PERP: variants seen among roughly 807,000 people sequenced by gnomAD.
PERP encodes the protein p53 apoptosis effector related to PMP22.
Under a neutral mutation model 20.3 loss-of-function variants are expected in PERP, and 11 were observed. The observed-to-expected ratio is 0.54, with a 90% CI of 0.34 to 0.90. The LOEUF (loss-of-function observed/expected upper bound fraction) is 0.90. PERP is among the 40% of genes least tolerant of loss of function. PERP has a pLI of 0.02. For missense variants in PERP, 224 were observed against 249.4 expected (o/e 0.90, Z 0.69); for synonymous variants, 101 against 102.0 (o/e 0.99, Z 0.06).
At chr6:138,096,038 G>A (rs1194713495) in intron 2 of PERP, among the ~76,000 whole-genome samples, 1 of 152,180 alleles carries the variant, frequency 6.6e-6, no homozygotes, top group African/African-American at 2.4e-5. Context: ...GGAGAGCACT[G>A]CTTTTCCAGG....
intron 1 of PERP, among the ~76,000 whole-genome samples, chr6:138,099,918 A>G (rs1283630016): frequency 6.6e-6 from 1 of 152,250 alleles, no homozygotes; most frequent in Admixed American, 6.5e-5. Context: ...AGTCTAAAGA[A>G]AATCAAAATG....
chr6:138,105,126 G>A (rs2114346347), intron 1 of PERP, among the ~76,000 whole-genome samples: 1 of 152,330 alleles, frequency 6.6e-6, no homozygotes, highest in South Asian at 2.1e-4. Flanking sequence ...CAGATCTTGA[G>A]CAAGAGCCGT....
chr6:138,093,161 T>C (rs1205394373), intron 2 of PERP, among the ~76,000 whole-genome samples: 1 of 152,218 alleles, frequency 6.6e-6, no homozygotes, highest in Non-Finnish European at 1.5e-5. Context: ...TATACATGTG[T>C]GTTCTGCATC....
At chr6:138,103,023 C>T (rs1775796451) in intron 1 of PERP, among the ~76,000 whole-genome samples, 1 of 150,874 alleles carries the variant, frequency 6.6e-6, no homozygotes, top group African/African-American at 2.4e-5. Flanking sequence ...GGTGTGAACC[C>T]GGGAGGCGGA....
chr6:138,107,100 GCGA>G lies in PERP; in HGVS notation c.214+24_214+26del, dbSNP rs758166725. The G allele has an allele frequency of 1.3e-6, 2 of 1,574,982 alleles. No homozygotes were observed. The highest frequency in any genetic ancestry group is 2.7e-5 in the African/African-American group (2 of 73,462). ...CGGCCCCGAGGGCTTCCTGGAGGCG[GCGA>G]CGGCGGCGGCGGCGGGCACTCACCG... On this transcript the variant is annotated intron_variant, in intron 1 of 2. Transcript: ENST00000421351. This position sits in a 1 kb window ranked among gnomAD's most constrained non-coding sequence, Gnocchi z 4.8.
chr6:138,103,077 C>T (rs919675244), intron 1 of PERP, among the ~76,000 whole-genome samples: 10 of 145,806 alleles, frequency 6.9e-5, no homozygotes, highest in African/African-American at 1.0e-4. Context: ...CCAGCCTGCG[C>T]GACAGACCGA....
At chr6:138,093,635 T>G (rs1775624471) in intron 2 of PERP, among the ~76,000 whole-genome samples, 1 of 152,186 alleles carries the variant, frequency 6.6e-6, no homozygotes. Flanking sequence ...ATTTTCTTAG[T>G]AATAAATATT....
At position 138,106,903 on chromosome 6, in the gene PERP, C is replaced by CTTTTTTTTT. The variant is rs577977770; in HGVS notation, c.214+215_214+223dup. 7.1e-3 allele frequency among the ~76,000 whole-genome samples: 958 copies of CTTTTTTTTT among 134,394 alleles called. 34 individuals carry two copies. Among genetic ancestry groups the CTTTTTTTTT allele is most frequent in the African/African-American group, 0.024 (857 of 35,886 alleles). 88.2% of individuals were successfully genotyped at this position (134,394 alleles called of 152,430 possible). ...AAAACTATACAGTTTGAACTACGGC[C>CTTTTTTTTT]TTTTTTTTTTTTCTGTTTCTGAGCT... On this transcript the variant is annotated intron_variant, in intron 1 of 2. Transcript: ENST00000421351.
chr6:138,102,826 G>C (rs1173874119), intron 1 of PERP, among the ~76,000 whole-genome samples: 1 of 152,050 alleles, frequency 6.6e-6, no homozygotes, highest in East Asian at 1.9e-4. Context: ...GCGGCCAGGC[G>C]CGGTGGCTCA....
chr6:138,092,813 T>C (rs1296415842), intron 2 of PERP, among the ~76,000 whole-genome samples: 3 of 151,966 alleles, frequency 2.0e-5, no homozygotes, highest in African/African-American at 7.3e-5. Flanking sequence ...ATATTGAGAA[T>C]GATCAAGGGG....
chr6:138,096,299 C>G, intron 2 of PERP, 55 bp downstream of exon 2: 1 of 1,595,788 alleles, frequency 6.3e-7, no homozygotes, highest in Non-Finnish European at 8.6e-7. Flanking sequence ...TTGACCATTA[C>G]TAAGTCGATG....
intron 1 of PERP, 101 bp from the exon 2 acceptor site, chr6:138,096,595 A>G (rs1454123620): frequency 4.5e-6 from 6 of 1,326,156 alleles, no homozygotes; most frequent in Non-Finnish European, 5.1e-6. Context: ...TTTCCCTACT[A>G]GTTACATTTG....
chr6:138,095,074 G>A (rs1022851538), intron 2 of PERP, among the ~76,000 whole-genome samples: 4 of 152,166 alleles, frequency 2.6e-5, no homozygotes, highest in Non-Finnish European at 4.4e-5. Context: ...AGTTTTCTAC[G>A]ACACATGAAA....
At chr6:138,100,273 G>C (rs1775752216) in intron 1 of PERP, among the ~76,000 whole-genome samples, 1 of 152,170 alleles carries the variant, frequency 6.6e-6, no homozygotes, top group Non-Finnish European at 1.5e-5. Flanking sequence ...GCCCTAGGTA[G>C]CTGTGGTCTC....
rs756486723 is a variant in PERP at position 138,096,404 on chromosome 6, G to A, written c.305C>T (p.Pro102Leu). The change falls in exon 2 of 3, where the codon CCC becomes CTC. Residue 102 changes from proline to leucine, a missense_variant. By Grantham distance (98) the Pro-to-Leu change is moderately conservative (BLOSUM62 -3). Coordinates refer to ENST00000421351, the MANE Select transcript of PERP (RefSeq NM_022121.5). ...CACTCTCAGGAAGACAAGCATCTGGGGTCCACAGAGGGCGAAGAAGGAGAG... is the reference window on the plus strand; with the variant it reads ...CACTCTCAGGAAGACAAGCATCTGGAGTCCACAGAGGGCGAAGAAGGAGAG... ...FILSFFALCG[P>L]QMLVFLRVIG... The A allele has an allele frequency of 2.5e-6, 4 of 1,613,922 alleles. No individual in the cohort carries two copies. In the African/African-American group the frequency reaches 4.0e-5, roughly 16 times the overall value.
chr6:138,096,574 T>A, intron 1 of PERP, 80 bp from the exon 2 acceptor site: 1 of 1,451,630 alleles, frequency 6.9e-7, no homozygotes, highest in South Asian at 1.5e-5. Flanking sequence ...TCAACATGGT[T>A]TTGGGCTTTT....
intron 1 of PERP, among the ~76,000 whole-genome samples, chr6:138,100,558 G>A (rs1430681512): frequency 6.6e-6 from 1 of 151,944 alleles, no homozygotes; most frequent in Admixed American, 6.6e-5. Flanking sequence ...GTGTGTGTGT[G>A]TGTGTGTGTG....
At position 138,093,937 on chromosome 6, in the gene PERP, T is replaced by A. The variant is rs180725732; in HGVS notation, c.356-1669A>T. ...TTAAAGGAAAGGATGAGTATTAAAT[T>A]ACAAAATGAAAACACTAGGTTAAGC... On this transcript the variant is annotated intron_variant, in intron 2 of 2. Transcript: ENST00000421351. Among the ~76,000 whole-genome samples the A allele has an allele frequency of 2.5e-3, 375 of 152,220 alleles. 2 individuals are homozygous for A. The highest frequency in any genetic ancestry group is 1.8e-3 in the Non-Finnish European group (119 of 67,996).
chr6:138,106,050 A>G (rs1775835592), intron 1 of PERP, among the ~76,000 whole-genome samples: 1 of 152,238 alleles, frequency 6.6e-6, no homozygotes, highest in Admixed American at 6.5e-5. Flanking sequence ...CCGGAAACAC[A>G]AATAAACAGG....
Sources: allele counts gnomAD v4.1 joint callset (sites outside exome capture counted in the v4.1 genomes callset), GRCh38; gene constraint gnomAD v4.1.1; non-coding constraint Gnocchi (gnomAD v3.1); transcripts MANE v1.5; gene names NCBI Gene and HGNC (gene_info 2026-07-23, HGNC 2026-07-21).